Variants in UPP2 observed in about 807,000 individuals in gnomAD.
UPP2 encodes uridine phosphorylase 2, also known as UPase 2.
Under a neutral mutation model 26.7 loss-of-function variants are expected in UPP2, and 23 were observed. The observed-to-expected ratio is 0.86, with a 90% CI of 0.62 to 1.22. UPP2 has a LOEUF of 1.22. Among genes scored for constraint, UPP2 ranks in the 50% most tolerant of loss-of-function variants. The pLI is 0.00. For missense variants in UPP2, 387 were observed against 396.7 expected, an observed-to-expected ratio of 0.98 and a Z score of 0.21; for synonymous variants, 127 against 141.3, an observed-to-expected ratio of 0.90 and a Z score of 0.72.
At chr2:158,102,411 A>C (rs895003867) in intron 1 of UPP2, among the ~76,000 whole-genome samples, 5 of 152,202 alleles carry the variant, frequency 3.3e-5, no homozygotes, top group African/African-American at 1.2e-4. Flanking sequence ...TAGTAAACAA[A>C]TTCAAGGTTC....
At chr2:158,034,331 G>C (rs1337004208) in intron 3 of UPP2, among the ~76,000 whole-genome samples, 1 of 152,192 alleles carries the variant, frequency 6.6e-6, no homozygotes, top group Non-Finnish European at 1.5e-5. Flanking sequence ...AAAGCTCTCT[G>C]TTCCTCTTCC....
intron 6 of UPP2, among the ~76,000 whole-genome samples, chr2:158,132,602 C>T (rs1182654899): frequency 5.3e-5 from 8 of 152,040 alleles, no homozygotes; most frequent in South Asian, 4.2e-4. Flanking sequence ...TGTGGAGAAA[C>T]GCATGGAGAA....
chr2:158,069,441 A>G (rs1166986071), intron 3 of UPP2, among the ~76,000 whole-genome samples: 7 of 152,182 alleles, frequency 4.6e-5, no homozygotes, highest in Admixed American at 2.0e-4. Flanking sequence ...CAGCTTCTCC[A>G]GTGTCGAGCT....
At chr2:158,094,800 G>A (rs1032797990) in intron 3 of UPP2, among the ~76,000 whole-genome samples, 5 of 152,132 alleles carry the variant, frequency 3.3e-5, no homozygotes, top group African/African-American at 1.2e-4. Flanking sequence ...TAGAGGTTAG[G>A]ACTGAACCTT....
intron 3 of UPP2, among the ~76,000 whole-genome samples, chr2:158,078,641 G>A (rs757466564): frequency 4.5e-4 from 68 of 152,252 alleles, no homozygotes; most frequent in Non-Finnish European, 6.9e-4. Context: ...AAGAGTAGCA[G>A]GGGGATGGGA....
intron 3 of UPP2, among the ~76,000 whole-genome samples, chr2:158,062,603 G>C (rs750509968): frequency 3.9e-5 from 6 of 152,146 alleles, no homozygotes; most frequent in Non-Finnish European, 8.8e-5. Flanking sequence ...TTGACCCAAG[G>C]ATAGGACACA....
At chr2:158,010,259 C>A (rs1683554949) in intron 2 of UPP2, among the ~76,000 whole-genome samples, 1 of 152,108 alleles carries the variant, frequency 6.6e-6, no homozygotes, top group South Asian at 2.1e-4. Context: ...GTATCACTTT[C>A]CCAAAAAGGA....
At chr2:158,082,665 T>A (rs1682746304) in intron 3 of UPP2, among the ~76,000 whole-genome samples, 1 of 152,172 alleles carries the variant, frequency 6.6e-6, no homozygotes, top group Non-Finnish European at 1.5e-5. Context: ...ATTTCATGAC[T>A]AAAACACCAA....
chr2:158,108,935 TG>T (rs1683253976), intron 2 of UPP2, among the ~76,000 whole-genome samples: 1 of 136,068 alleles, frequency 7.3e-6, no homozygotes, highest in Admixed American at 7.1e-5. Context: ...TGTGTGTGTT[TG>T]TAAATTGAGG....
chr2:158,100,712 G>A (rs1433613716), upstream of UPP2, among the ~76,000 whole-genome samples: 2 of 152,204 alleles, frequency 1.3e-5, no homozygotes, highest in East Asian at 1.9e-4. Context: ...TTGCCTCATA[G>A]TCATCATTAC....
At chr2:158,120,108 C>G (rs1683533311) in intron 4 of UPP2, among the ~76,000 whole-genome samples, 1 of 151,904 alleles carries the variant, frequency 6.6e-6, no homozygotes, top group South Asian at 2.1e-4. Flanking sequence ...GTTGGATCTT[C>G]TAAAGCATTT....
At chr2:158,128,129 C>T (rs574513301) in intron 6 of UPP2, 92 of 571,372 alleles carry the variant, frequency 1.6e-4, no homozygotes, top group African/African-American at 3.1e-4. Flanking sequence ...TATTTGTCTA[C>T]GCTTAGGTTC....
intron 6 of UPP2, among the ~76,000 whole-genome samples, chr2:158,125,023 C>G (rs1271173288): frequency 6.6e-6 from 1 of 152,146 alleles, no homozygotes; most frequent in African/African-American, 2.4e-5. Flanking sequence ...GCACAGATGA[C>G]AAGAGGTCCT....
At chr2:157,995,708 C>T (rs1017117503) in intron 2 of UPP2, among the ~76,000 whole-genome samples, 3 of 151,878 alleles carry the variant, frequency 2.0e-5, no homozygotes, top group Non-Finnish European at 4.4e-5. Context: ...ATTTTTTTCA[C>T]AGGCACATAC....
intron 3 of UPP2, among the ~76,000 whole-genome samples, chr2:158,029,346 T>G (rs1305848294): frequency 3.3e-5 from 5 of 152,254 alleles, no homozygotes; most frequent in Non-Finnish European, 7.3e-5. Flanking sequence ...CTGTGTTGAC[T>G]GATAGTCAAA....
chr2:158,049,260 A>G lies in UPP2; in HGVS notation c.147+33374A>G, dbSNP rs1225148412. Among the ~76,000 whole-genome samples the G allele has an allele frequency of 2.0e-5, 3 of 152,210 alleles. No individual in the cohort carries two copies. The South Asian group carries it at 6.2e-4, about 32-fold the overall frequency. Reference sequence around the variant, plus strand: ...TAGTTTATTTCAAAGGCATGCATCTATCATGGTGGGCTCTGTGACAGATGG... The same window carrying G: ...TAGTTTATTTCAAAGGCATGCATCTGTCATGGTGGGCTCTGTGACAGATGG... On this transcript the variant is annotated intron_variant, in intron 3 of 9. Coordinates refer to the UPP2 transcript ENST00000605860.
At chr2:158,127,956 C>G in intron 6 of UPP2, 1 of 980,808 alleles carries the variant, frequency 1.0e-6, no homozygotes, top group Non-Finnish European at 1.2e-6. Context: ...ATCTGTGTCT[C>G]TCTTAAAGCA....
At chr2:158,020,390 C>A (rs1018831653) in intron 3 of UPP2, among the ~76,000 whole-genome samples, 3 of 152,212 alleles carry the variant, frequency 2.0e-5, no homozygotes, top group African/African-American at 2.4e-5. Context: ...CTGCACTATG[C>A]AGGACAAGTG....
At chr2:158,004,471 A>C (rs1347225978) in intron 2 of UPP2, among the ~76,000 whole-genome samples, 1 of 152,212 alleles carries the variant, frequency 6.6e-6, no homozygotes, top group Non-Finnish European at 1.5e-5. Context: ...AAAGCTCTGA[A>C]TCAAAATCAC....
Sources: allele counts gnomAD v4.1 joint callset (sites outside exome capture counted in the v4.1 genomes callset), GRCh38; gene constraint gnomAD v4.1.1; transcripts MANE v1.5; gene names NCBI Gene and HGNC (gene_info 2026-07-23, HGNC 2026-07-21).